Variants in GBA1 observed in about 807,000 individuals in gnomAD.
The protein encoded by GBA1 is glucosylceramidase beta 1, also known as lysosomal acid glucosylceramidase.
chr1:155,235,316 A>T, the GBA1 span: 1 of 1,610,006 alleles, frequency 6.2e-7, no homozygotes, highest in Non-Finnish European at 8.5e-7. Context: ...AACTTGCTGA[A>T]TGTGGGAACA....
the GBA1 span, chr1:155,240,019 A>G: frequency 6.2e-7 from 1 of 1,613,978 alleles, no homozygotes; most frequent in South Asian, 1.1e-5. Context: ...AGTATGTGGC[A>G]TTGCAGACAC....
chr1:155,239,512 C>T, the GBA1 span: 2 of 1,280,774 alleles, frequency 1.6e-6, no homozygotes, highest in Non-Finnish European at 2.2e-6. Flanking sequence ...GTCTCGCCGA[C>T]AGAATGGGCA....
the GBA1 span, chr1:155,235,314 G>C: frequency 6.2e-7 from 1 of 1,610,064 alleles, no homozygotes; most frequent in Non-Finnish European, 8.5e-7. Flanking sequence ...TGAACTTGCT[G>C]AATGTGGGAA....
the GBA1 span, chr1:155,239,589 A>G: frequency 6.2e-7 from 1 of 1,613,840 alleles, no homozygotes; most frequent in Admixed American, 1.7e-5. Flanking sequence ...CAATGGCTCT[A>G]TGTCATCTTG....
the GBA1 span, chr1:155,240,168 A>G: frequency 7.8e-7 from 1 of 1,281,212 alleles, no homozygotes; most frequent in South Asian, 1.2e-5. Flanking sequence ...CGGTTTCAAA[A>G]TTCCTCACCC....
At chr1:155,236,695 C>T in the GBA1 span, among the ~76,000 whole-genome samples, 1 of 152,028 alleles carries the variant, frequency 6.6e-6, no homozygotes, top group Non-Finnish European at 1.5e-5. Flanking sequence ...TCAACTGATC[C>T]TCCCACATTA....
the GBA1 span, chr1:155,240,400 G>A: frequency 2.1e-5 from 13 of 611,944 alleles, no homozygotes; most frequent in Non-Finnish European, 3.5e-5. Flanking sequence ...GGAGGCAGAG[G>A]TTGGAATGAG....
At chr1:155,243,904 C>A in the GBA1 span, among the ~76,000 whole-genome samples, 1 of 151,976 alleles carries the variant, frequency 6.6e-6, no homozygotes, top group Admixed American at 6.6e-5. Context: ...CATCCTGGCA[C>A]CCATCTGCAG....
the GBA1 span, chr1:155,240,321 G>T: frequency 2.1e-4 from 128 of 601,808 alleles, no homozygotes; most frequent in East Asian, 3.3e-3. Flanking sequence ...AAAATTAGCT[G>T]GGCGTAGTGG....
At chr1:155,240,512 A>G in the GBA1 span, 1 of 858,054 alleles carries the variant, frequency 1.2e-6, no homozygotes, top group Non-Finnish European at 2.0e-6. Context: ...TCAGTCACTC[A>G]AAAGGATTTA....
chr1:155,239,060 T>C, the GBA1 span, among the ~76,000 whole-genome samples: 1,715 of 151,346 alleles, frequency 0.011, 35 homozygotes, highest in African/African-American at 0.04. Context: ...CTACTAAAAA[T>C]ACAAAAAATT....
the GBA1 span, chr1:155,237,977 C>G: frequency 1.2e-6 from 1 of 800,528 alleles, no homozygotes; most frequent in East Asian, 2.7e-5. Flanking sequence ...ATGGAGTGGG[C>G]AAGATTGACA....
chr1:155,240,986 T>C, the GBA1 span: 2 of 1,179,788 alleles, frequency 1.7e-6, no homozygotes, highest in Admixed American at 1.7e-5. Context: ...CAAAGAGCCA[T>C]GATGGCCCTG....
At chr1:155,235,846 T>C in the GBA1 span, 1 of 1,614,084 alleles carries the variant, frequency 6.2e-7, no homozygotes. Flanking sequence ...CAGGAGGTTC[T>C]AGGGTAAGGA....
the GBA1 span, chr1:155,237,272 G>A: frequency 6.2e-7 from 1 of 1,612,530 alleles, no homozygotes. Flanking sequence ...ATCGCTCTAA[G>A]TTTGGGAGCC....
chr1:155,241,276 G>A, the GBA1 span: 1 of 700,180 alleles, frequency 1.4e-6, no homozygotes, highest in Non-Finnish European at 2.6e-6. Context: ...TGGGTCATGT[G>A]ATGACTAGGA....
At chr1:155,240,033 C>A in the GBA1 span, 1 of 1,614,006 alleles carries the variant, frequency 6.2e-7, no homozygotes, top group Non-Finnish European at 8.5e-7. Flanking sequence ...CAGACACACA[C>A]CACCGAGCTG....
chr1:155,240,088 G>A, the GBA1 span: 3 of 1,612,170 alleles, frequency 1.9e-6, no homozygotes, highest in South Asian at 1.1e-5. Flanking sequence ...CTGGGAGGGA[G>A]GGAGTACAAG....
At chr1:155,236,408 TCCAGGTA>T in the GBA1 span, 1 of 1,613,984 alleles carries the variant, frequency 6.2e-7, no homozygotes, top group Non-Finnish European at 8.5e-7. Flanking sequence ...AGCCAGAAAG[TCCAGGTA>T]CCAATGTACA....
Sources: gnomAD v4.1 joint callset for allele counts (sites outside exome capture counted in the v4.1 genomes callset) on GRCh38, gnomAD v4.1.1 for gene constraint, MANE v1.5 for transcripts, NCBI Gene and HGNC (gene_info 2026-07-23, HGNC 2026-07-21) for gene names.